The following OR2L13 variants were observed in gnomAD, a reference collection of about 807,000 sequenced individuals.
OR2L13 encodes olfactory receptor 2L13.
Under a neutral mutation model 15.3 loss-of-function variants are expected in OR2L13, and 14 were observed. The ratio of observed to expected loss-of-function variants is 0.91; its 90% CI spans 0.60 to 1.43. The LOEUF (loss-of-function observed/expected upper bound fraction) is 1.43. Ranked by LOEUF, OR2L13 falls within the 40% of genes most tolerant of loss-of-function variation. OR2L13 has a pLI of 0.00. For missense variants in OR2L13, 367 were observed against 387.9 expected (o/e 0.95, Z 0.45); for synonymous variants, 152 against 142.9 (o/e 1.06, Z -0.45).
At chr1:248,045,038 A>C in the OR2L13 span, among the ~76,000 whole-genome samples, 1 of 152,174 alleles carries the variant, frequency 6.6e-6, no homozygotes, top group African/African-American at 2.4e-5. Context: ...GTGGAATTAC[A>C]GGCCTGTGCC....
At chr1:248,076,328 G>A in the OR2L13 span, among the ~76,000 whole-genome samples, 12 of 152,244 alleles carry the variant, frequency 7.9e-5, no homozygotes, top group East Asian at 1.7e-3. Flanking sequence ...TTGGCAATGT[G>A]GGCTCTTTTT....
At chr1:248,037,177 TCATTCTA>T in the OR2L13 span, among the ~76,000 whole-genome samples, 3 of 152,136 alleles carry the variant, frequency 2.0e-5, no homozygotes, top group African/African-American at 4.8e-5. Flanking sequence ...AAATAACAAT[TCATTCTA>T]CATTTTTAAG....
At chr1:247,948,917 A>G in the OR2L13 span, 5 of 1,613,634 alleles carry the variant, frequency 3.1e-6, no homozygotes, top group East Asian at 2.2e-5. Context: ...TTCCACCATC[A>G]AGAATTGACC....
chr1:248,003,058 T>A, the OR2L13 span: 1 of 801,936 alleles, frequency 1.2e-6, no homozygotes, highest in East Asian at 2.4e-5. Context: ...GGGATTGAAA[T>A]TCTGCGGATA....
the OR2L13 span, among the ~76,000 whole-genome samples, chr1:248,064,553 CT>C: frequency 6.6e-6 from 1 of 152,142 alleles, no homozygotes; most frequent in Non-Finnish European, 1.5e-5. Context: ...GTTGTTATTA[CT>C]GGAAAAAGCC....
chr1:247,948,754 C>A, the OR2L13 span: 2 of 906,166 alleles, frequency 2.2e-6, no homozygotes, highest in Non-Finnish European at 3.4e-6. Context: ...CAGTTTCAAA[C>A]ATCCACTGGG....
chr1:247,980,221 A>G, the OR2L13 span, among the ~76,000 whole-genome samples: 1 of 152,152 alleles, frequency 6.6e-6, no homozygotes, highest in Non-Finnish European at 1.5e-5. Flanking sequence ...TTTATCATCA[A>G]TTTTAATAAC....
the OR2L13 span, among the ~76,000 whole-genome samples, chr1:248,080,169 G>T: frequency 6.6e-6 from 1 of 151,974 alleles, no homozygotes; most frequent in African/African-American, 2.4e-5. Context: ...TTATCAAGCT[G>T]TACAATTAAG....
chr1:248,022,649 A>G, the OR2L13 span: 45,684 of 1,614,048 alleles, frequency 0.028, 824 homozygotes, highest in Non-Finnish European at 0.034. Flanking sequence ...AAGGGAGGAA[A>G]AAGGCCTATT....
chr1:248,094,587 G>T (rs972474687), upstream of OR2L13, among the ~76,000 whole-genome samples: 2 of 152,148 alleles, frequency 1.3e-5, no homozygotes, highest in Non-Finnish European at 2.9e-5. Flanking sequence ...TATTCTCTCT[G>T]ACTCTAAATG....
the OR2L13 span, among the ~76,000 whole-genome samples, chr1:248,018,151 T>A: frequency 1.0e-4 from 13 of 127,558 alleles, no homozygotes; most frequent in Non-Finnish European, 2.0e-4. Context: ...CGACTCCATC[T>A]CAAAAAAATA....
the OR2L13 span, among the ~76,000 whole-genome samples, chr1:247,964,720 C>T: frequency 4.7e-3 from 720 of 151,760 alleles, 9 homozygotes; most frequent in African/African-American, 0.017. Context: ...TTTTCTTCTA[C>T]ACATCTATGA....
At chr1:247,941,936 G>A in the OR2L13 span, among the ~76,000 whole-genome samples, 3 of 152,096 alleles carry the variant, frequency 2.0e-5, no homozygotes, top group South Asian at 4.1e-4. Context: ...CTCACAAGCT[G>A]GTAAATACTG....
chr1:247,960,519 G>C, the OR2L13 span, among the ~76,000 whole-genome samples: 121,484 of 152,174 alleles, frequency 0.8, 52,684 homozygotes, highest in South Asian at 0.95. Flanking sequence ...TTTTGTTCAG[G>C]TATGCCCTGC....
At chr1:248,085,448 A>AT in the OR2L13 span, among the ~76,000 whole-genome samples, 1 of 122,106 alleles carries the variant, frequency 8.2e-6, no homozygotes, top group African/African-American at 3.3e-5. Context: ...ATAAAATAAA[A>AT]AAATGTGTGC....
the OR2L13 span, among the ~76,000 whole-genome samples, chr1:248,057,150 C>T: frequency 6.6e-6 from 1 of 152,102 alleles, no homozygotes; most frequent in Non-Finnish European, 1.5e-5. Context: ...AGACATCTAT[C>T]AGGTCCACAT....
At chr1:248,018,025 G>T in the OR2L13 span, among the ~76,000 whole-genome samples, 2 of 151,894 alleles carry the variant, frequency 1.3e-5, no homozygotes, top group Non-Finnish European at 2.9e-5. Context: ...CGTGGTGGTG[G>T]GCCCCTGTAA....
At chr1:248,019,317 C>T in the OR2L13 span, among the ~76,000 whole-genome samples, 1 of 152,112 alleles carries the variant, frequency 6.6e-6, no homozygotes, top group Non-Finnish European at 1.5e-5. Flanking sequence ...AATGGTTTGA[C>T]TTACAATATT....
chr1:247,990,787 A>G, the OR2L13 span: 2 of 1,602,950 alleles, frequency 1.2e-6, no homozygotes, highest in South Asian at 2.2e-5. Flanking sequence ...CAGAGCCATC[A>G]ATCATTTTTT....
Sources: gnomAD v4.1 joint callset for allele counts (sites outside exome capture counted in the v4.1 genomes callset) on GRCh38, gnomAD v4.1.1 for gene constraint, MANE v1.5 for transcripts, NCBI Gene and HGNC (gene_info 2026-07-23, HGNC 2026-07-21) for gene names.